Variants in MTMR1 observed in about 807,000 individuals in gnomAD.
MTMR1 encodes the protein myotubularin related protein 1, also known as phosphatidylinositol-3-phosphate phosphatase MTMR1.
In MTMR1, 17 loss-of-function variants were observed where a neutral mutation model predicts 51.6. The ratio of observed to expected loss-of-function variants is 0.33; its 90% CI spans 0.23 to 0.49. The LOEUF (loss-of-function observed/expected upper bound fraction) is 0.49, where lower values mean the gene tolerates loss of function less well. MTMR1 is among the 20% of genes least tolerant of loss of function. The probability of loss-of-function intolerance (pLI) is 0.99; values close to 1 mark genes in which losing one functional copy is unlikely to be tolerated. For missense variants in MTMR1, 386 were observed against 526.9 expected (o/e 0.73, Z 2.62); for synonymous variants, 201 against 205.6 (o/e 0.98, Z 0.19).
intron 3 of MTMR1, chrX:150,714,424 G>A (rs782646143): frequency 3.6e-6 from 3 of 823,063 alleles, no homozygotes; most frequent in Non-Finnish European, 4.9e-6. Flanking sequence ...CTGTTTGCAC[G>A]TGTTTCTCTT....
At chrX:150,722,664 T>C (rs2041788781) in intron 4 of MTMR1, among the ~76,000 whole-genome samples, 1 of 111,122 alleles carries the variant, frequency 9.0e-6, no homozygotes, top group Non-Finnish European at 1.9e-5. Flanking sequence ...CTTTCTTTTG[T>C]CTCCAAACTG....
In MTMR1 at chrX:150,758,316, C is replaced by T. The variant is rs181047954; in HGVS notation, c.1857+2451C>T. On this transcript the variant is annotated intron_variant, in intron 15 of 15. Transcript: ENST00000445323. ...GGGACAGCTTTCTACCTACTCTCCC[C>T]GCCTCAGTCTGCCTTGTGTCCACGC... is the stretch of plus-strand genomic sequence containing the variant. Among the ~76,000 whole-genome samples, 26 of 111,106 alleles carry T rather than the reference C, an allele frequency of 2.3e-4. No individual in the cohort carries two copies. The East Asian group carries it at 6.0e-3, about 26-fold the overall frequency.
chrX:150,733,164 G>C (rs1267132300), intron 10 of MTMR1, among the ~76,000 whole-genome samples: 1 of 111,973 alleles, frequency 8.9e-6, no homozygotes, highest in Non-Finnish European at 1.9e-5. Flanking sequence ...TGGAGCACCT[G>C]TGTAGTGTAC....
intron 3 of MTMR1, among the ~76,000 whole-genome samples, chrX:150,714,820 A>G (rs141091303): frequency 1.8e-5 from 2 of 112,004 alleles, no homozygotes; most frequent in East Asian, 2.8e-4. Flanking sequence ...GTGCCTTTAC[A>G]TAGACATAGA....
At position 150,759,476 on chromosome X, in the gene MTMR1, TAAA is replaced by T. The variant is rs2043017928; in HGVS notation, c.1858-3088_1858-3086del. ...ATGCCTGATCTGGAGTGCCTTTGGC[TAAA>T]CAGAGCCTCTCGATTACTGCAGGAG... On this transcript the variant is annotated intron_variant, in intron 15 of 15. Coordinates refer to ENST00000445323, the MANE Select transcript of MTMR1 (RefSeq NM_001306144.3). Among the ~76,000 whole-genome samples, 13 of 108,932 alleles carry T rather than the reference TAAA, an allele frequency of 1.2e-4. 2 individuals carry two copies. The highest frequency in any genetic ancestry group is 2.1e-4 in the Non-Finnish European group (11 of 51,291). The allele number at this position is 108,932 out of a possible 115,157, so 94.6% of individuals were successfully genotyped here.
intron 13 of MTMR1, among the ~76,000 whole-genome samples, chrX:150,747,585 A>G: frequency 8.9e-6 from 1 of 112,134 alleles, no homozygotes; most frequent in Non-Finnish European, 1.9e-5. Context: ...AATTGCAGCG[A>G]CCTAATCTTT....
intron 13 of MTMR1, among the ~76,000 whole-genome samples, chrX:150,746,788 T>G (rs1306614271): frequency 2.7e-5 from 3 of 112,694 alleles, no homozygotes; most frequent in Non-Finnish European, 5.6e-5. Context: ...AGCTCTAAGA[T>G]TCTGTCTGTG....
intron 2 of MTMR1, among the ~76,000 whole-genome samples, chrX:150,705,136 A>G (rs1207937282): frequency 8.9e-6 from 1 of 112,592 alleles, no homozygotes; most frequent in East Asian, 2.8e-4. Context: ...GAGAGGACAG[A>G]CAAAAAGAAT....
intron 13 of MTMR1, among the ~76,000 whole-genome samples, chrX:150,746,385 AAC>A (rs1400752171): frequency 5.4e-5 from 6 of 111,702 alleles, no homozygotes; most frequent in Non-Finnish European, 9.4e-5. Context: ...GGTAGCAGCA[AAC>A]ACACTCCAGA....
At chrX:150,741,300 T>C (rs2042417617) in intron 12 of MTMR1, among the ~76,000 whole-genome samples, 1 of 112,246 alleles carries the variant, frequency 8.9e-6, no homozygotes, top group African/African-American at 3.2e-5. Flanking sequence ...CGTCTAAGCC[T>C]CAGCTGTGCC....
At chrX:150,710,302 T>A (rs782461031) in intron 2 of MTMR1, among the ~76,000 whole-genome samples, 5 of 111,976 alleles carry the variant, frequency 4.5e-5, no homozygotes, top group African/African-American at 1.3e-4. Flanking sequence ...TGTGCCTTGG[T>A]TTTCTCATCA....
chrX:150,725,269 A>G (rs2041890033), intron 4 of MTMR1, among the ~76,000 whole-genome samples: 1 of 111,290 alleles, frequency 9.0e-6, no homozygotes, highest in Non-Finnish European at 1.9e-5. Flanking sequence ...TGTAATTCTC[A>G]TTGTACAGAT....
At chrX:150,710,162 A>G (rs1557416179) in intron 2 of MTMR1, among the ~76,000 whole-genome samples, 2 of 111,232 alleles carry the variant, frequency 1.8e-5, no homozygotes, top group African/African-American at 6.6e-5. Context: ...GCTGTAGTTC[A>G]AATGGTTTAA....
intron 3 of MTMR1, among the ~76,000 whole-genome samples, chrX:150,715,631 C>T (rs868976305): frequency 1.3e-4 from 15 of 112,317 alleles, no homozygotes; most frequent in African/African-American, 4.2e-4. Context: ...CTACTATACT[C>T]ACCAAAGCAA....
intron 4 of MTMR1, among the ~76,000 whole-genome samples, chrX:150,722,994 C>T (rs1232708153): frequency 9.4e-6 from 1 of 106,582 alleles, no homozygotes; most frequent in Non-Finnish European, 1.9e-5. Flanking sequence ...TAATGCTATC[C>T]CTCCCCCTTC....
At chrX:150,706,898 T>C (rs1032386178) in intron 2 of MTMR1, among the ~76,000 whole-genome samples, 17 of 110,949 alleles carry the variant, frequency 1.5e-4, no homozygotes, top group African/African-American at 4.6e-4. Context: ...TACAGACACA[T>C]AGATCAGTGG....
chrX:150,744,393 T>A lies in MTMR1; in HGVS notation c.1506T>A (p.Asp502Glu). The A allele has an allele frequency of 1.7e-6, 2 of 1,211,693 alleles. No individual in the cohort carries two copies. Among genetic ancestry groups the A allele is most frequent in the Non-Finnish European group, 2.2e-6 (2 of 895,377 alleles). The change falls in exon 13 of 16, where the codon GAT becomes GAA. Residue 502 changes from aspartate to glutamate, a missense_variant. Asp to Glu is a conservative substitution (Grantham distance 45). Coordinates refer to ENST00000445323, the MANE Select transcript of MTMR1 (RefSeq NM_001306144.3). The stretch of plus-strand genomic sequence containing the variant: ...GCCATGGTAATGACAACCATGCGGA[T>A]GCTGACCGATCTCCCATATTTCTGC... ...RVGHGNDNHA[D>E]ADRSPIFLQF...
intron 14 of MTMR1, among the ~76,000 whole-genome samples, chrX:150,751,910 C>CTT (rs35937277): frequency 5.3e-4 from 22 of 41,583 alleles, no homozygotes; most frequent in East Asian, 1.0e-3. Context: ...CTTTTTCTTT[C>CTT]TTTTTTTTTT....
At chrX:150,741,755 A>G (rs1451646648) in intron 12 of MTMR1, among the ~76,000 whole-genome samples, 1 of 112,598 alleles carries the variant, frequency 8.9e-6, no homozygotes, top group Non-Finnish European at 1.9e-5. Context: ...TTCCATGGCT[A>G]TCTGTTGAAA....
Sources: gnomAD v4.1 joint callset for allele counts (sites outside exome capture counted in the v4.1 genomes callset) on GRCh38, gnomAD v4.1.1 for gene constraint, MANE v1.5 for transcripts, NCBI Gene and HGNC (gene_info 2026-07-23, HGNC 2026-07-21) for gene names.